NALCN: variants seen among roughly 807,000 people sequenced by gnomAD.
NALCN encodes the protein sodium leak channel NALCN.
In NALCN, 111 loss-of-function variants were observed where a neutral mutation model predicts 225.3. That is an observed-to-expected ratio of 0.49 (90% CI 0.42 to 0.58). The LOEUF is 0.58. Ranked by LOEUF, NALCN falls within the 20% of genes least tolerant of loss-of-function variation. The pLI is 0.00. For synonymous variants in NALCN, 764 were observed against 769.0 expected (o/e 0.99, Z 0.11); for missense variants, 1,378 against 2,202.4 (o/e 0.63, Z 7.49).
Position 101,345,311 on chromosome 13 carries a change from C to A in NALCN, c.754G>T (p.Gly252Ter), listed in dbSNP as rs746396065. The change falls in exon 7 of 44, where the codon GGA (glycine) becomes TGA (stop). Residue 252 changes from glycine to a stop codon, truncating the protein, a stop_gained. Coordinates refer to ENST00000251127, the MANE Select transcript of NALCN (RefSeq NM_052867.4). LOFTEE classifies it high-confidence loss of function. ...GFKCMDLEDL[G>*]LSRQELGYSG... The stretch of plus-strand genomic sequence containing the variant: ...TAGCCCAGCTCTTGCCTGCTAAGTC[C>A]CAGATCTTCAAGGTCCATGCATTTA... The A allele has an allele frequency of 6.2e-7, 1 of 1,613,566 alleles. No individual in the cohort carries two copies. The highest frequency in any genetic ancestry group is 8.5e-7 in the Non-Finnish European group (1 of 1,179,746).
chr13:101,345,938 G>A (rs891438800), intron 6 of NALCN, among the ~76,000 whole-genome samples: 1 of 147,160 alleles, frequency 6.8e-6, no homozygotes, highest in Non-Finnish European at 1.5e-5. Context: ...TGGATCATTT[G>A]GCTTACATAT....
intron 7 of NALCN, among the ~76,000 whole-genome samples, chr13:101,328,420 T>G (rs749337612): frequency 6.6e-6 from 1 of 152,062 alleles, no homozygotes; most frequent in Non-Finnish European, 1.5e-5. Flanking sequence ...TAAGCCATCC[T>G]CCCACCTCAG....
chr13:101,361,139 C>A (rs2046240355), intron 6 of NALCN, among the ~76,000 whole-genome samples: 1 of 152,112 alleles, frequency 6.6e-6, no homozygotes, highest in Non-Finnish European at 1.5e-5. Context: ...AAAGAGATTT[C>A]ATCCTAAAAA....
intron 4 of NALCN, among the ~76,000 whole-genome samples, chr13:101,377,357 T>C (rs1341464243): frequency 6.6e-6 from 1 of 152,228 alleles, no homozygotes; most frequent in East Asian, 1.9e-4. Context: ...GTATGCTGTC[T>C]TTCTTGTTAA....
chr13:101,332,253 C>A (rs2045203623), intron 7 of NALCN, among the ~76,000 whole-genome samples: 1 of 151,642 alleles, frequency 6.6e-6, no homozygotes, highest in Non-Finnish European at 1.5e-5. Context: ...GTCTCATATG[C>A]AGAGAATGAG....
At chr13:101,185,112 C>T (rs1023514740) in intron 14 of NALCN, among the ~76,000 whole-genome samples, 3 of 152,070 alleles carry the variant, frequency 2.0e-5, no homozygotes, top group Admixed American at 6.5e-5. Context: ...GCTGTCTTGC[C>T]GCCTGTGGTA....
In NALCN at chr13:101,286,094, C is replaced by T. The variant is rs145158369; in HGVS notation, c.1048-2075G>A. On this transcript the variant is annotated intron_variant, in intron 9 of 43. Transcript: ENST00000251127. ...GGAAATGCAAAAACGTTCAATTTCT[C>T]TTTAATCCCCTGAATTATACAACAT... Among the ~76,000 whole-genome samples, 448 of 152,270 alleles carry T rather than the reference C, an allele frequency of 2.9e-3. 2 individuals carry two copies. The highest frequency in any genetic ancestry group is 9.7e-3 in the African/African-American group (401 of 41,554).
intron 13 of NALCN, among the ~76,000 whole-genome samples, chr13:101,213,325 A>C (rs1384747436): frequency 6.6e-6 from 1 of 152,200 alleles, no homozygotes; most frequent in Non-Finnish European, 1.5e-5. Flanking sequence ...TAAATGTTAG[A>C]CCTAAAACCA....
rs537850580 is a variant in NALCN at position 101,284,788 on chromosome 13, T to A, written c.1048-769A>T. Among the ~76,000 whole-genome samples the A allele has an allele frequency of 1.5e-4, 23 of 152,240 alleles. 1 individual carries two copies. In the East Asian group the frequency reaches 4.1e-3, roughly 27 times the overall value. On this transcript the variant is annotated intron_variant, in intron 9 of 43. Coordinates refer to ENST00000251127, the MANE Select transcript of NALCN (RefSeq NM_052867.4). ...ATTGAATTAGATACCTAGGTTATTA[T>A]CTCCTAGGTACCTATTATCTCCTAG...
chr13:101,075,860 A>G lies in NALCN; in HGVS notation c.3954+13T>C. ...TATGACCTTTAAGATAAGATTCTTA[A>G]CAATGTACTTACATGTTTTCCACAG... is the stretch of plus-strand genomic sequence containing the variant. On this transcript the variant is annotated intron_variant, in intron 35 of 43. Transcript: ENST00000251127. 6.2e-7 allele frequency: 1 copy of G among 1,600,320 alleles called. No homozygotes were observed.
chr13:101,166,296 T>A (rs117207093), intron 15 of NALCN, among the ~76,000 whole-genome samples: 1,713 of 152,330 alleles, frequency 0.011, 17 homozygotes, highest in South Asian at 0.056. Flanking sequence ...ATCATGCTAC[T>A]TTTAATTTTT....
intron 21 of NALCN, 33 bp downstream of exon 21, chr13:101,107,665 A>T: frequency 6.2e-7 from 1 of 1,613,948 alleles, no homozygotes. Flanking sequence ...CCATTCCCGA[A>T]TGAGAGCCAT....
chr13:101,206,636 C>T (rs1393255499), intron 13 of NALCN, among the ~76,000 whole-genome samples: 1 of 151,360 alleles, frequency 6.6e-6, no homozygotes, highest in African/African-American at 2.4e-5. Flanking sequence ...TATCAGTCCA[C>T]CTGTTTCCAT....
chr13:101,405,451 G>A (rs1190913427), intron 1 of NALCN, among the ~76,000 whole-genome samples: 2 of 152,102 alleles, frequency 1.3e-5, no homozygotes, highest in African/African-American at 2.4e-5. Flanking sequence ...CCAATTCCCA[G>A]GGCCCATTTG....
At chr13:101,136,092 A>G (rs1226939286) in intron 17 of NALCN, among the ~76,000 whole-genome samples, 2 of 152,100 alleles carry the variant, frequency 1.3e-5, no homozygotes, top group African/African-American at 4.8e-5. Context: ...GGGAATTCCT[A>G]CTCTAATGTT....
chr13:101,114,117 T>C (rs1185463940), intron 18 of NALCN, among the ~76,000 whole-genome samples: 1 of 152,194 alleles, frequency 6.6e-6, no homozygotes, highest in Non-Finnish European at 1.5e-5. Context: ...GGAAGCCTAA[T>C]GGAGAAGATG....
chr13:101,109,832 C>A (rs924858387), intron 20 of NALCN, among the ~76,000 whole-genome samples: 2 of 152,106 alleles, frequency 1.3e-5, no homozygotes, highest in African/African-American at 4.8e-5. Flanking sequence ...CGATAACCAT[C>A]GTATCTAAAA....
At chr13:101,282,377 C>T (rs1306691803) in intron 10 of NALCN, among the ~76,000 whole-genome samples, 4 of 152,046 alleles carry the variant, frequency 2.6e-5, no homozygotes, top group African/African-American at 7.2e-5. Flanking sequence ...GCCTGGAGGA[C>T]GTTATGCTAA....
chr13:101,182,415 C>A (rs892691700), intron 14 of NALCN, among the ~76,000 whole-genome samples: 3 of 152,164 alleles, frequency 2.0e-5, no homozygotes, highest in African/African-American at 7.2e-5. Flanking sequence ...AGAATTAGAA[C>A]AAACTCTTGG....
Sources: allele counts gnomAD v4.1 joint callset (sites outside exome capture counted in the v4.1 genomes callset), GRCh38; gene constraint gnomAD v4.1.1; transcripts MANE v1.5; gene names NCBI Gene and HGNC (gene_info 2026-07-23, HGNC 2026-07-21).